Variants in CACHD1 observed in about 807,000 individuals in gnomAD.
The protein encoded by CACHD1 is VWFA and cache domain-containing protein 1.
Under a neutral mutation model 138.7 loss-of-function variants are expected in CACHD1, and 71 were observed. That is an observed-to-expected ratio of 0.51 (90% CI 0.42 to 0.62). The LOEUF is 0.62. Among genes scored for constraint, CACHD1 ranks in the 20% least tolerant of loss-of-function variants. The pLI, the probability that CACHD1 is intolerant of heterozygous loss-of-function variation, is 0.00. For synonymous variants in CACHD1, 578 were observed against 591.5 expected (o/e 0.98, Z 0.33); for missense variants, 1,389 against 1,625.3 (o/e 0.85, Z 2.50).
intron 2 of CACHD1, among the ~76,000 whole-genome samples, chr1:64,564,094 A>C (rs934364757): frequency 6.6e-6 from 1 of 152,204 alleles, no homozygotes; most frequent in Admixed American, 6.5e-5. Context: ...TTCTCTGAGC[A>C]CCACTTGCAT....
intron 23 of CACHD1, among the ~76,000 whole-genome samples, chr1:64,678,551 G>A (rs1374979484): frequency 6.6e-6 from 1 of 152,134 alleles, no homozygotes; most frequent in Non-Finnish European, 1.5e-5. Flanking sequence ...CATAAAGCTT[G>A]TTCTGATAAA....
chr1:64,683,305 C>G (rs1036280078), intron 26 of CACHD1, among the ~76,000 whole-genome samples: 8 of 152,128 alleles, frequency 5.3e-5, no homozygotes, highest in Admixed American at 5.2e-4. Context: ...GACTTTTTTG[C>G]TTTTTTCTCT....
At chr1:64,542,164 C>T (rs1390908881) in intron 1 of CACHD1, among the ~76,000 whole-genome samples, 5 of 152,056 alleles carry the variant, frequency 3.3e-5, no homozygotes, top group African/African-American at 1.2e-4. Context: ...GCACTTAGTG[C>T]CTGACAGATA....
Position 64,652,208 on chromosome 1 carries a change from C to T in CACHD1, c.1438C>T (p.Leu480=), listed in dbSNP as rs754039624. The T allele has an allele frequency of 8.1e-6, 13 of 1,613,094 alleles. No individual in the cohort carries two copies. The highest frequency in any genetic ancestry group is 2.7e-5 in the African/African-American group (2 of 74,850). The change falls in exon 10 of 27, where the codon CTG becomes TTG. Residue 480 remains leucine (L), a synonymous_variant. Transcript: ENST00000651257. Reference sequence around the variant, plus strand: ...ACCCTGTTATTTTGGAAACCTACTTCTGGGAATTGTAGGTGTGGACGTGAA... The same window carrying T: ...ACCCTGTTATTTTGGAAACCTACTTTTGGGAATTGTAGGTGTGGACGTGAA... The part of the protein sequence containing the change: ...SKPCYFGNLL[L]GIVGVDVNLA...
chr1:64,652,799 T>C (rs1010711929), intron 10 of CACHD1, among the ~76,000 whole-genome samples: 1 of 152,140 alleles, frequency 6.6e-6, no homozygotes, highest in Non-Finnish European at 1.5e-5. Context: ...TTAGTGGGAA[T>C]GTAAATTAGG....
intron 2 of CACHD1, among the ~76,000 whole-genome samples, chr1:64,578,533 G>C (rs183519995): frequency 1.3e-5 from 2 of 152,312 alleles, no homozygotes; most frequent in Admixed American, 1.3e-4. Flanking sequence ...AAACAAACAT[G>C]CTTACAAATT....
At chr1:64,540,665 T>G (rs966215221) in intron 1 of CACHD1, among the ~76,000 whole-genome samples, 1 of 152,204 alleles carries the variant, frequency 6.6e-6, no homozygotes, top group African/African-American at 2.4e-5. Context: ...CTCCTGGTTT[T>G]GAATGCTGTA....
At chr1:64,521,185 G>A (rs865892446) in intron 1 of CACHD1, among the ~76,000 whole-genome samples, 40 of 152,220 alleles carry the variant, frequency 2.6e-4, no homozygotes, top group Middle Eastern at 6.8e-3. Flanking sequence ...CCTTGCTGTC[G>A]TAGGGCAGAG....
intron 26 of CACHD1, among the ~76,000 whole-genome samples, chr1:64,683,823 T>G (rs1365819756): frequency 6.6e-6 from 1 of 152,240 alleles, no homozygotes; most frequent in Non-Finnish European, 1.5e-5. Flanking sequence ...TGGCATCCTT[T>G]GAACCAGTAC....
chr1:64,500,875 C>T (rs1317957093), intron 1 of CACHD1, among the ~76,000 whole-genome samples: 1 of 151,906 alleles, frequency 6.6e-6, no homozygotes, highest in Non-Finnish European at 1.5e-5. Context: ...TGGTGAAACC[C>T]CGTCTCTACT....
chr1:64,576,035 C>T (rs76330811), intron 2 of CACHD1, among the ~76,000 whole-genome samples: 3,761 of 152,218 alleles, frequency 0.025, 152 homozygotes, highest in African/African-American at 0.085. Context: ...CCATGGGGAC[C>T]GCACGCTACC....
chr1:64,553,251 G>A lies in CACHD1; in HGVS notation c.261+2595G>A, dbSNP rs74080418. 1.5e-3 allele frequency among the ~76,000 whole-genome samples: 225 copies of A among 152,264 alleles called. 1 individual carries two copies. Among genetic ancestry groups the A allele is most frequent in the African/African-American group, 5.1e-3 (213 of 41,540 alleles). ...CACTTCATTATGATGGTTCTCCCAT[G>A]GGTTGAATTGAACACGGGATTTCTC... On this transcript the variant is annotated intron_variant, in intron 2 of 26. Coordinates refer to ENST00000651257, the MANE Select transcript of CACHD1 (RefSeq NM_020925.4).
intron 1 of CACHD1, among the ~76,000 whole-genome samples, chr1:64,495,121 T>C (rs928445899): frequency 5.3e-5 from 8 of 152,148 alleles, no homozygotes; most frequent in African/African-American, 1.9e-4. Context: ...GAAAACACAT[T>C]TGTTTAGATC....
At chr1:64,557,549 C>A (rs1646807706) in intron 2 of CACHD1, among the ~76,000 whole-genome samples, 1 of 152,094 alleles carries the variant, frequency 6.6e-6, no homozygotes, top group Non-Finnish European at 1.5e-5. Flanking sequence ...CAAGGGCATT[C>A]CTCTAGCAGC....
At chr1:64,648,284 A>G (rs183021972) in intron 9 of CACHD1, among the ~76,000 whole-genome samples, 1 of 152,306 alleles carries the variant, frequency 6.6e-6, no homozygotes, top group Admixed American at 6.5e-5. Context: ...AATTAGAACT[A>G]AAGGGTAGCT....
At chr1:64,538,986 G>A (rs1475281823) in intron 1 of CACHD1, among the ~76,000 whole-genome samples, 1 of 152,094 alleles carries the variant, frequency 6.6e-6, no homozygotes, top group Non-Finnish European at 1.5e-5. Context: ...AGTGCTATAG[G>A]GATTGCAAGA....
chr1:64,625,877 T>G (rs529919831), intron 4 of CACHD1, among the ~76,000 whole-genome samples: 1 of 152,324 alleles, frequency 6.6e-6, no homozygotes, highest in South Asian at 2.1e-4. Context: ...TTTGTTGAGG[T>G]GAGAATTAAA....
chr1:64,612,275 GT>G (rs201777282), intron 4 of CACHD1, among the ~76,000 whole-genome samples: 2 of 152,126 alleles, frequency 1.3e-5, no homozygotes, highest in African/African-American at 4.8e-5. Flanking sequence ...TCTAATAGAA[GT>G]TTTTTTATAG....
At chr1:64,563,774 G>A (rs1045537707) in intron 2 of CACHD1, 18 of 152,172 alleles carry the variant, frequency 1.2e-4, no homozygotes, top group African/African-American at 4.1e-4. Flanking sequence ...GAATCAAAGA[G>A]CCTCATCTTT....
Sources: allele counts gnomAD v4.1 joint callset (sites outside exome capture counted in the v4.1 genomes callset), GRCh38; gene constraint gnomAD v4.1.1; transcripts MANE v1.5; gene names NCBI Gene and HGNC (gene_info 2026-07-23, HGNC 2026-07-21).